PAH: variants seen among roughly 807,000 people sequenced by gnomAD.
PAH encodes phenylalanine-4-hydroxylase.
PAH carries 64 observed loss-of-function variants against 62.0 expected under a neutral mutation model. The observed-to-expected ratio is 1.03, with a 90% CI of 0.84 to 1.27. The LOEUF (loss-of-function observed/expected upper bound fraction) is 1.27, where lower values mean the gene tolerates loss of function less well. Ranked by LOEUF, PAH falls within the 50% of genes most tolerant of loss-of-function variation. PAH has a pLI of 0.00. For missense variants in PAH, 579 were observed against 542.8 expected, an observed-to-expected ratio of 1.07 and a Z score of -0.66; for synonymous variants, 195 against 196.2, an observed-to-expected ratio of 0.99 and a Z score of 0.05.
intron 1 of PAH, chr12:102,913,865 A>G (rs1878291429): frequency 1.4e-6 from 1 of 701,902 alleles, no homozygotes; most frequent in African/African-American, 1.7e-5. Context: ...TTGCTAAATC[A>G]TTAGCCTAAG....
chr12:102,855,412 G>A (rs993426279), intron 5 of PAH, 80 bp from the exon 6 acceptor site: 68 of 1,118,954 alleles, frequency 6.1e-5, no homozygotes, highest in Admixed American at 1.3e-4. Context: ...AGAGGGAGTC[G>A]GGGACCAGAA....
At chr12:102,896,416 C>A (rs543937892) in intron 2 of PAH, among the ~76,000 whole-genome samples, 5 of 152,268 alleles carry the variant, frequency 3.3e-5, no homozygotes, top group African/African-American at 9.6e-5. Flanking sequence ...AAATAGGGAT[C>A]TTTGCAAGAT....
At chr12:102,898,136 C>A (rs1198848295) in intron 2 of PAH, among the ~76,000 whole-genome samples, 2 of 152,226 alleles carry the variant, frequency 1.3e-5, no homozygotes, top group African/African-American at 4.8e-5. Context: ...GGAAGCATCC[C>A]ACTCCCACAT....
intron 2 of PAH, among the ~76,000 whole-genome samples, chr12:102,908,815 G>A (rs1048492564): frequency 2.8e-5 from 4 of 144,810 alleles, no homozygotes; most frequent in Admixed American, 7.0e-5. Context: ...AAAATACCAC[G>A]TTACATTTAG....
At chr12:102,871,937 AAAAAAAAAAAAAATATATATATATATAT>A (rs1398937628) in intron 4 of PAH, among the ~76,000 whole-genome samples, 29 of 89,292 alleles carry the variant, frequency 3.2e-4, no homozygotes, top group South Asian at 2.1e-3. Flanking sequence ...AAAAAAAAAA[AAAAAAAAAAAAAATATATATATATATAT>A]ATATATATAT....
intron 7 of PAH, 24 bp from the exon 8 acceptor site, chr12:102,851,780 G>A: frequency 6.2e-7 from 1 of 1,601,248 alleles, no homozygotes; most frequent in Non-Finnish European, 8.6e-7. Flanking sequence ...AGCACAGAGA[G>A]CTCGGAGGGG....
intron 2 of PAH, among the ~76,000 whole-genome samples, chr12:102,910,255 G>A (rs1878148658): frequency 6.6e-6 from 1 of 152,112 alleles, no homozygotes; most frequent in South Asian, 2.1e-4. Context: ...AATTAATTCA[G>A]GGAAAGCTTG....
At chr12:102,884,838 A>G (rs930229889) in intron 3 of PAH, among the ~76,000 whole-genome samples, 1 of 152,138 alleles carries the variant, frequency 6.6e-6, no homozygotes, top group African/African-American at 2.4e-5. Context: ...AGCGCTTATT[A>G]TGCACCAGAT....
At chr12:102,868,071 TAC>T (rs869217411) in intron 4 of PAH, among the ~76,000 whole-genome samples, 1 of 119,308 alleles carries the variant, frequency 8.4e-6, no homozygotes, top group Non-Finnish European at 1.7e-5. Flanking sequence ...CACATATATA[TAC>T]ATATATGTGT....
At chr12:102,918,557 T>C (rs1000099896), upstream of PAH, among the ~76,000 whole-genome samples, 25 of 122,712 alleles carry the variant, frequency 2.0e-4, no homozygotes, top group Admixed American at 1.8e-4. Context: ...AGCCCATGCC[T>C]CAGTTTTTTT....
chr12:102,938,984 A>T lies in PAH; in HGVS notation c.-96+11605T>A, dbSNP rs568707504. ...CTGCCATTGCCACGGCAGCATATCA[A>T]CTCTTTCTGCTCTTGGGTTGGGGAA... On this transcript the variant is annotated intron_variant, in intron 1 of 3. Coordinates refer to the PAH transcript ENST00000546844. 1.5e-4 allele frequency among the ~76,000 whole-genome samples: 23 copies of T among 151,072 alleles called. 1 individual carries two copies. The highest frequency in any genetic ancestry group is 5.6e-4 in the African/African-American group (23 of 41,052).
At chr12:102,892,511 T>A (rs1187418458) in intron 3 of PAH, among the ~76,000 whole-genome samples, 3 of 152,256 alleles carry the variant, frequency 2.0e-5, no homozygotes, top group Non-Finnish European at 4.4e-5. Flanking sequence ...GCTTTATTCA[T>A]AATCATCAAA....
At chr12:102,878,408 G>A (rs1334218936) in intron 3 of PAH, among the ~76,000 whole-genome samples, 1 of 152,132 alleles carries the variant, frequency 6.6e-6, no homozygotes, top group Non-Finnish European at 1.5e-5. Flanking sequence ...TTGGGCTTGA[G>A]TGGGGTGGAC....
chr12:102,868,921 A>T (rs1876185395), intron 4 of PAH, among the ~76,000 whole-genome samples: 1 of 152,188 alleles, frequency 6.6e-6, no homozygotes, highest in Admixed American at 6.5e-5. Context: ...TAGACTTTTG[A>T]CCCTGTAAGG....
At chr12:102,865,973 A>G (rs866805165) in intron 5 of PAH, among the ~76,000 whole-genome samples, 1 of 152,090 alleles carries the variant, frequency 6.6e-6, no homozygotes, top group South Asian at 2.1e-4. Flanking sequence ...GCATTTCTGT[A>G]GTTCCTTAAG....
At chr12:102,872,276 C>T (rs1296387404) in intron 4 of PAH, among the ~76,000 whole-genome samples, 10 of 152,236 alleles carry the variant, frequency 6.6e-5, no homozygotes, top group Admixed American at 6.5e-4. Flanking sequence ...TGACCTTATT[C>T]TGGCTTTCTA....
chr12:102,924,891 G>A (rs1005131184), intron 1 of PAH, among the ~76,000 whole-genome samples: 1 of 152,070 alleles, frequency 6.6e-6, no homozygotes, highest in African/African-American at 2.4e-5. Context: ...AATTCATTTG[G>A]ATTCCTGGTT....
At chr12:102,928,286 C>G (rs138995066) in intron 1 of PAH, among the ~76,000 whole-genome samples, 132 of 152,248 alleles carry the variant, frequency 8.7e-4, no homozygotes, top group African/African-American at 2.6e-3. Flanking sequence ...AGCATTTATC[C>G]TTTCTTTGTG....
chr12:102,894,908 A>G lies in PAH; in HGVS notation c.179T>C (p.Val60Ala), dbSNP rs1398246301. ...KVLRLFEEND[V>A]NLTHIESRPS... ...TCTAGATTCAATGTGGGTCAGGTTT[A>G]CATCATTCTCCTAGAAGAGAGAATG... The change falls in exon 3 of 13, where the codon GTA (valine) becomes GCA (alanine). Residue 60 changes from valine (V) to alanine (A), a missense_variant. Physicochemically the swap from Val to Ala is moderately conservative, Grantham distance 64 (BLOSUM62 0). Coordinates refer to ENST00000553106, the MANE Select transcript of PAH (RefSeq NM_000277.3). 2 of 1,613,120 alleles carry G rather than the reference A, an allele frequency of 1.2e-6. No homozygotes were observed. The highest frequency in any genetic ancestry group is 1.7e-6 in the Non-Finnish European group (2 of 1,179,408).
Sources: gnomAD v4.1 joint callset for allele counts (sites outside exome capture counted in the v4.1 genomes callset) on GRCh38, gnomAD v4.1.1 for gene constraint, MANE v1.5 for transcripts, NCBI Gene and HGNC (gene_info 2026-07-23, HGNC 2026-07-21) for gene names.